Variants in RBFOX1 observed in about 807,000 individuals in gnomAD.
The protein encoded by RBFOX1 is RNA binding protein fox-1 homolog 1.
Under a neutral mutation model 57.7 loss-of-function variants are expected in RBFOX1, and 8 were observed. The observed-to-expected ratio is 0.14, with a 90% CI of 0.08 to 0.25. The LOEUF (loss-of-function observed/expected upper bound fraction) is 0.25, where lower values mean the gene tolerates loss of function less well. RBFOX1 is among the 10% of genes least tolerant of loss of function. RBFOX1 has a pLI of 1.00. For missense variants in RBFOX1, 611 were observed against 548.5 expected, an observed-to-expected ratio of 1.11 and a Z score of -1.14; for synonymous variants, 326 against 222.4, an observed-to-expected ratio of 1.47 and a Z score of -4.15.
At chr16:6,379,873 T>C (rs933911432) in intron 2 of RBFOX1, among the ~76,000 whole-genome samples, 18 of 151,956 alleles carry the variant, frequency 1.2e-4, no homozygotes, top group African/African-American at 4.1e-4. Context: ...AGAAGGTTCA[T>C]GGGATGGGAG....
At chr16:6,962,714 A>G (rs1026380847) in intron 3 of RBFOX1, among the ~76,000 whole-genome samples, 8 of 152,166 alleles carry the variant, frequency 5.3e-5, no homozygotes, top group African/African-American at 1.7e-4. Flanking sequence ...ATAGTAAAAA[A>G]TTAGTCAGGA....
At chr16:6,629,962 T>G (rs1436813915) in intron 2 of RBFOX1, among the ~76,000 whole-genome samples, 1 of 69,658 alleles carries the variant, frequency 1.4e-5, no homozygotes, top group East Asian at 5.1e-4. Context: ...TCGGTAGGTT[T>G]TTTTTTTTTT....
intron 3 of RBFOX1, among the ~76,000 whole-genome samples, chr16:5,637,691 G>A (rs562187138): frequency 3.9e-5 from 6 of 152,278 alleles, no homozygotes; most frequent in African/African-American, 1.4e-4. Context: ...GTTCCCCAGG[G>A]AGGCAGATGG....
chr16:7,043,465 A>G (rs62016265), intron 3 of RBFOX1, among the ~76,000 whole-genome samples: 36,769 of 152,068 alleles, frequency 0.24, 5,010 homozygotes, highest in East Asian at 0.45. Flanking sequence ...GGAAAACGCA[A>G]ACTCCAGGGC....
chr16:5,696,384 A>G (rs956248960), intron 3 of RBFOX1, among the ~76,000 whole-genome samples: 1 of 152,224 alleles, frequency 6.6e-6, no homozygotes, highest in African/African-American at 2.4e-5. Context: ...CTGTATGATT[A>G]CAGCAGAATT....
chr16:7,470,298 G>C (rs1438740226), intron 4 of RBFOX1, among the ~76,000 whole-genome samples: 2 of 152,210 alleles, frequency 1.3e-5, no homozygotes, highest in Non-Finnish European at 2.9e-5. Context: ...CTGCCAGTAA[G>C]TTGTTCACCA....
intron 4 of RBFOX1, among the ~76,000 whole-genome samples, chr16:7,151,947 C>G (rs1459493859): frequency 1.3e-5 from 2 of 152,148 alleles, no homozygotes; most frequent in African/African-American, 4.8e-5. Flanking sequence ...ATAGATGAAG[C>G]TTTGCTTGCT....
chr16:6,714,911 A>G (rs563255466), intron 3 of RBFOX1, among the ~76,000 whole-genome samples: 1 of 152,220 alleles, frequency 6.6e-6, no homozygotes, highest in South Asian at 2.1e-4. Flanking sequence ...GGAAGCTAAA[A>G]GTGGAGACAG....
chr16:5,869,630 G>A (rs1255873424), intron 4 of RBFOX1, among the ~76,000 whole-genome samples: 4 of 152,060 alleles, frequency 2.6e-5, no homozygotes, highest in African/African-American at 4.8e-5. Context: ...TCTATCTCTT[G>A]ACCACCTCGT....
intron 4 of RBFOX1, among the ~76,000 whole-genome samples, chr16:7,084,339 G>T (rs1484619663): frequency 6.6e-6 from 1 of 151,784 alleles, no homozygotes; most frequent in African/African-American, 2.4e-5. Context: ...AGTGGAGGAG[G>T]GAAGAAAGAA....
At chr16:6,112,461 TG>T (rs1349808904) in intron 1 of RBFOX1, among the ~76,000 whole-genome samples, 1 of 152,126 alleles carries the variant, frequency 6.6e-6, no homozygotes, top group African/African-American at 2.4e-5. Flanking sequence ...GAGGCCAAGA[TG>T]GGCGGATCAC....
rs2091804671 is a variant in RBFOX1 at position 6,381,441 on chromosome 16, AC to A, written c.-64+64385del. Among the ~76,000 whole-genome samples the A allele has an allele frequency of 2.0e-5, 3 of 152,180 alleles. No individual in the cohort carries two copies. In the South Asian group the frequency reaches 6.2e-4, roughly 32 times the overall value. On this transcript the variant is annotated intron_variant, in intron 2 of 15. Transcript: ENST00000550418. Reference sequence around the variant, plus strand: ...AGAGATATGTTGGAAGTAAAATGCAACGGGCTTGATGACCTTGCAGGAAGTC... The same window carrying A: ...AGAGATATGTTGGAAGTAAAATGCAAGGGCTTGATGACCTTGCAGGAAGTC...
At chr16:6,747,072 CAT>C (rs1257177397) in intron 3 of RBFOX1, among the ~76,000 whole-genome samples, 1 of 152,058 alleles carries the variant, frequency 6.6e-6, no homozygotes, top group Non-Finnish European at 1.5e-5. Context: ...CTCACGGTAC[CAT>C]AGCAGGTCCC....
chr16:7,019,702 A>C (rs756996972), intron 3 of RBFOX1, among the ~76,000 whole-genome samples: 13 of 152,198 alleles, frequency 8.5e-5, no homozygotes, highest in Non-Finnish European at 1.5e-4. Flanking sequence ...TAAGGAAGTG[A>C]ATCTCATGCT....
At chr16:6,727,049 G>A (rs1377761409) in intron 3 of RBFOX1, among the ~76,000 whole-genome samples, 1 of 10,202 alleles carries the variant, frequency 9.8e-5, no homozygotes, top group East Asian at 0.033. Flanking sequence ...TATTTGGACT[G>A]AACACACACA....
intron 2 of RBFOX1, among the ~76,000 whole-genome samples, chr16:5,598,195 G>A (rs901353507): frequency 6.6e-6 from 1 of 151,604 alleles, no homozygotes; most frequent in Non-Finnish European, 1.5e-5. Context: ...CAACTTGGGA[G>A]GTTGAGTGAC....
chr16:6,442,326 G>A (rs946392462), intron 2 of RBFOX1, among the ~76,000 whole-genome samples: 1 of 152,180 alleles, frequency 6.6e-6, no homozygotes, highest in African/African-American at 2.4e-5. Context: ...GGGAGGCCAA[G>A]GTGGGTGGAT....
chr16:5,955,361 TAAAATAAAATA>T (rs2059613876), intron 4 of RBFOX1, among the ~76,000 whole-genome samples: 2 of 23,768 alleles, frequency 8.4e-5, no homozygotes, highest in African/African-American at 5.7e-4. Flanking sequence ...TAAATAAAAA[TAAAATAAAATA>T]AAATAAAATA....
At chr16:6,858,200 GTGT>G (rs1232328333) in intron 3 of RBFOX1, among the ~76,000 whole-genome samples, 1 of 152,194 alleles carries the variant, frequency 6.6e-6, no homozygotes, top group Non-Finnish European at 1.5e-5. Flanking sequence ...CCTTTTCAAA[GTGT>G]TGTTGGTAAA....
Sources: allele counts gnomAD v4.1 joint callset (sites outside exome capture counted in the v4.1 genomes callset), GRCh38; gene constraint gnomAD v4.1.1; transcripts MANE v1.5; gene names NCBI Gene and HGNC (gene_info 2026-07-23, HGNC 2026-07-21).